The following ELOVL6 variants were observed in gnomAD, a reference collection of about 807,000 sequenced individuals.
ELOVL6 encodes the protein ELOVL fatty acid elongase 6, also known as very long chain fatty acid elongase 6.
In ELOVL6, 8 loss-of-function variants were observed where a neutral mutation model predicts 31.7. The observed-to-expected ratio is 0.25, with a 90% CI of 0.15 to 0.45. The LOEUF is 0.45. ELOVL6 is among the 20% of genes least tolerant of loss of function. The probability of loss-of-function intolerance (pLI) is 1.00; values close to 1 mark genes in which losing one functional copy is unlikely to be tolerated. For missense variants in ELOVL6, 126 were observed against 326.4 expected (o/e 0.39, Z 4.73); for synonymous variants, 101 against 117.7 (o/e 0.86, Z 0.92).
intron 2 of ELOVL6, among the ~76,000 whole-genome samples, chr4:110,063,035 G>A (rs1003734210): frequency 3.9e-5 from 6 of 152,086 alleles, no homozygotes; most frequent in African/African-American, 1.4e-4. Flanking sequence ...ATCACTATTT[G>A]TATTACTATT....
At chr4:110,182,865 G>GCAA (rs1759330258) in intron 1 of ELOVL6, among the ~76,000 whole-genome samples, 1 of 151,734 alleles carries the variant, frequency 6.6e-6, no homozygotes, top group Admixed American at 6.6e-5. Flanking sequence ...CCAAGATTGC[G>GCAA]CCATTGCACT....
chr4:110,080,757 G>A (rs1755816219), intron 2 of ELOVL6, among the ~76,000 whole-genome samples: 1 of 152,154 alleles, frequency 6.6e-6, no homozygotes, highest in African/African-American at 2.4e-5. Flanking sequence ...TCAGGCAGGA[G>A]AAGGAAATAA....
chr4:110,094,731 T>C (rs1341570454), intron 2 of ELOVL6, among the ~76,000 whole-genome samples: 1 of 151,814 alleles, frequency 6.6e-6, no homozygotes, highest in African/African-American at 2.4e-5. Context: ...CATCAGTCTT[T>C]GATTTCTTGA....
At chr4:110,146,580 G>A (rs1266548716) in intron 1 of ELOVL6, 2 of 152,362 alleles carry the variant, frequency 1.3e-5, no homozygotes, top group Non-Finnish European at 2.9e-5. Context: ...AAAACAGTAT[G>A]TACAATTCAA....
intron 2 of ELOVL6, among the ~76,000 whole-genome samples, chr4:110,084,552 ACACACACAC>A (rs1756166573): frequency 1.4e-5 from 1 of 71,944 alleles, no homozygotes; most frequent in African/African-American, 8.8e-5. Context: ...ACACACACAC[ACACACACAC>A]AGATATATAT....
At chr4:110,194,068 G>A (rs1759704251) in intron 1 of ELOVL6, among the ~76,000 whole-genome samples, 1 of 152,214 alleles carries the variant, frequency 6.6e-6, no homozygotes, top group South Asian at 2.1e-4. Context: ...GCAGGCTGCT[G>A]AAAGAGAAGG....
chr4:110,064,540 A>T (rs1466209271), intron 2 of ELOVL6, among the ~76,000 whole-genome samples: 1 of 152,044 alleles, frequency 6.6e-6, no homozygotes, highest in Non-Finnish European at 1.5e-5. Context: ...CACAGCTCAC[A>T]ACAGCCTTGA....
chr4:110,182,760 T>C (rs949737987), intron 1 of ELOVL6, among the ~76,000 whole-genome samples: 1 of 151,848 alleles, frequency 6.6e-6, no homozygotes, highest in African/African-American at 2.4e-5. Flanking sequence ...AATACAAAAT[T>C]AGCCAGGCGT....
chr4:110,060,453 C>T (rs1056041676), intron 2 of ELOVL6, among the ~76,000 whole-genome samples: 3 of 152,140 alleles, frequency 2.0e-5, no homozygotes, highest in South Asian at 2.1e-4. Flanking sequence ...TTCAATGCCC[C>T]GCAATGTGTT....
intron 1 of ELOVL6, among the ~76,000 whole-genome samples, chr4:110,110,075 A>AC (rs1214068471): frequency 6.6e-6 from 1 of 152,070 alleles, no homozygotes; most frequent in Non-Finnish European, 1.5e-5. Context: ...CAACTGGTGC[A>AC]CCCCCCTCCT....
chr4:110,068,264 C>T (rs766873833), intron 2 of ELOVL6, among the ~76,000 whole-genome samples: 16 of 152,134 alleles, frequency 1.1e-4, no homozygotes, highest in Non-Finnish European at 2.4e-4. Flanking sequence ...CTAAAAATGA[C>T]TAATAGTATC....
At chr4:110,104,602 T>C (rs1254319755) in intron 2 of ELOVL6, among the ~76,000 whole-genome samples, 2 of 152,218 alleles carry the variant, frequency 1.3e-5, no homozygotes, top group South Asian at 2.1e-4. Context: ...AATGAATATT[T>C]ATAAATATGA....
intron 1 of ELOVL6, among the ~76,000 whole-genome samples, chr4:110,141,603 G>A (rs1196393901): frequency 6.6e-6 from 1 of 151,328 alleles, no homozygotes; most frequent in Non-Finnish European, 1.5e-5. Flanking sequence ...GAATCACTGA[G>A]ATCATGCAGA....
At chr4:110,139,749 C>T (rs1757902566) in intron 1 of ELOVL6, among the ~76,000 whole-genome samples, 1 of 152,134 alleles carries the variant, frequency 6.6e-6, no homozygotes. Context: ...GCCAACCTCT[C>T]ATTCGACAGG....
chr4:110,056,125 G>A (rs181030754), intron 3 of ELOVL6, among the ~76,000 whole-genome samples: 5 of 141,964 alleles, frequency 3.5e-5, no homozygotes, highest in Non-Finnish European at 4.5e-5. Context: ...TGGGAGCTGG[G>A]GGGGGGGATA....
At chr4:110,181,911 T>C (rs1182117392) in intron 1 of ELOVL6, among the ~76,000 whole-genome samples, 1 of 152,176 alleles carries the variant, frequency 6.6e-6, no homozygotes, top group East Asian at 1.9e-4. Context: ...TCAGAGAGTA[T>C]CAAAATCTTT....
chr4:110,162,462 T>C (rs1307459684), intron 1 of ELOVL6, among the ~76,000 whole-genome samples: 1 of 152,178 alleles, frequency 6.6e-6, no homozygotes, highest in Non-Finnish European at 1.5e-5. Flanking sequence ...TCCTCCCACC[T>C]CAGCCTTCTG....
rs112546802 is a variant in ELOVL6 at position 110,085,519 on chromosome 4, T to C, written c.221+19978A>G. Among the ~76,000 whole-genome samples the C allele has an allele frequency of 1.2e-3, 189 of 152,294 alleles. 1 individual carries two copies. The highest frequency in any genetic ancestry group is 4.4e-3 in the African/African-American group (181 of 41,552). ...CCTGTCTGGAGAAACACAGCATGTA[T>C]TGAACTTCTCATCTACTGAACACGT... On this transcript the variant is annotated intron_variant, in intron 2 of 3. Transcript: ENST00000302274.
rs143752750 is a variant in ELOVL6 at position 110,185,967 on chromosome 4, G to A, written c.89+12280C>T. The stretch of plus-strand genomic sequence containing the variant: ...AGCACTTTGGGAGGCCGAGGTGGGC[G>A]GATCACAAGGTCAGGAGTTCGAGAC... On this transcript the variant is annotated intron_variant, in intron 1 of 3. Coordinates refer to ENST00000302274, the MANE Select transcript of ELOVL6 (RefSeq NM_024090.3). Among the ~76,000 whole-genome samples the A allele has an allele frequency of 5.3e-4, 81 of 152,192 alleles. 1 individual carries two copies. Among genetic ancestry groups the A allele is most frequent in the African/African-American group, 1.7e-3 (72 of 41,524 alleles).
Sources: gnomAD v4.1 joint callset for allele counts (sites outside exome capture counted in the v4.1 genomes callset) on GRCh38, gnomAD v4.1.1 for gene constraint, MANE v1.5 for transcripts, NCBI Gene and HGNC (gene_info 2026-07-23, HGNC 2026-07-21) for gene names.